The following LSAMP variants were observed in gnomAD, a reference collection of about 807,000 sequenced individuals.
LSAMP encodes limbic system-associated membrane protein.
A neutral mutation model predicts 38.6 loss-of-function variants in LSAMP; 7 were observed. The observed-to-expected ratio is 0.18, with a 90% CI of 0.10 to 0.34. LSAMP has a LOEUF of 0.34. Among genes scored for constraint, LSAMP ranks in the 10% least tolerant of loss-of-function variants. LSAMP has a pLI of 1.00. For synonymous variants in LSAMP, 154 were observed against 166.8 expected (o/e 0.92, Z 0.59); for missense variants, 313 against 420.0 (o/e 0.75, Z 2.23).
chr3:116,217,511 T>G (rs1464507582), intron 1 of LSAMP, among the ~76,000 whole-genome samples: 1 of 152,238 alleles, frequency 6.6e-6, no homozygotes, highest in Non-Finnish European at 1.5e-5. Context: ...GCCTCCTATG[T>G]TCTGCACAGA....
intron 3 of LSAMP, among the ~76,000 whole-genome samples, chr3:115,971,929 C>T (rs930503436): frequency 6.6e-6 from 1 of 152,080 alleles, no homozygotes; most frequent in Non-Finnish European, 1.5e-5. Context: ...ATTCAATTAT[C>T]ACTTGAGAAG....
At chr3:116,334,948 G>T (rs1356369647) in intron 1 of LSAMP, among the ~76,000 whole-genome samples, 1 of 151,944 alleles carries the variant, frequency 6.6e-6, no homozygotes, top group Non-Finnish European at 1.5e-5. Context: ...ATAAAATTAT[G>T]TCTATTTGCA....
chr3:116,333,423 C>T (rs1255269687), intron 1 of LSAMP, among the ~76,000 whole-genome samples: 1 of 151,508 alleles, frequency 6.6e-6, no homozygotes, highest in Non-Finnish European at 1.5e-5. Context: ...TGTGTAATCC[C>T]AGCTACTCAG....
At chr3:116,198,339 A>G (rs773347289) in intron 1 of LSAMP, among the ~76,000 whole-genome samples, 44 of 152,184 alleles carry the variant, frequency 2.9e-4, no homozygotes, top group Non-Finnish European at 1.9e-4. Flanking sequence ...AGAACCTCAA[A>G]ATGCCTCCAC....
intron 1 of LSAMP, among the ~76,000 whole-genome samples, chr3:116,180,523 C>T (rs941566338): frequency 4.6e-5 from 7 of 151,854 alleles, no homozygotes; most frequent in East Asian, 1.9e-4. Flanking sequence ...TGATTTGAAA[C>T]GACTATTGGC....
At chr3:115,999,519 G>T (rs1351077260) in intron 3 of LSAMP, among the ~76,000 whole-genome samples, 1 of 152,164 alleles carries the variant, frequency 6.6e-6, no homozygotes, top group African/African-American at 2.4e-5. Context: ...TGGTTTGAAG[G>T]ATGAGCTTCA....
intron 3 of LSAMP, among the ~76,000 whole-genome samples, chr3:115,854,282 A>ATTATT (rs1366839788): frequency 2.1e-4 from 22 of 107,028 alleles, no homozygotes; most frequent in African/African-American, 7.3e-4. Context: ...TATTATTATT[A>ATTATT]TTTTTTTTTT....
chr3:116,223,766 G>A (rs1420975129), intron 1 of LSAMP, among the ~76,000 whole-genome samples: 1 of 152,166 alleles, frequency 6.6e-6, no homozygotes, highest in African/African-American at 2.4e-5. Flanking sequence ...GAAAGTGACA[G>A]CATTTAACTA....
chr3:116,004,453 C>T (rs1940093269), intron 3 of LSAMP, among the ~76,000 whole-genome samples: 1 of 149,622 alleles, frequency 6.7e-6, no homozygotes, highest in Admixed American at 6.7e-5. Context: ...TACATATATA[C>T]ACAATTATGC....
intron 1 of LSAMP, among the ~76,000 whole-genome samples, chr3:116,439,319 G>GTT (rs386397696): frequency 1.4e-5 from 2 of 147,834 alleles, no homozygotes; most frequent in Non-Finnish European, 3.0e-5. Flanking sequence ...AGATTTTGTT[G>GTT]TTTTTTTTTT....
chr3:116,053,931 C>G (rs1941442053), intron 2 of LSAMP, among the ~76,000 whole-genome samples: 1 of 151,982 alleles, frequency 6.6e-6, no homozygotes, highest in Non-Finnish European at 1.5e-5. Flanking sequence ...TTTTAAATAC[C>G]ATATTACTTT....
intron 3 of LSAMP, among the ~76,000 whole-genome samples, chr3:115,954,198 C>A (rs962550905): frequency 6.6e-6 from 1 of 152,084 alleles, no homozygotes; most frequent in African/African-American, 2.4e-5. Flanking sequence ...TTTGGAATGT[C>A]TGCAACTTTC....
rs796559357 is a variant in LSAMP, at chr3:116,197,168, C to G, written c.156-110612G>C. Among the ~76,000 whole-genome samples, 4 of 151,570 alleles carry G rather than the reference C, an allele frequency of 2.6e-5. No homozygotes were observed. The East Asian group carries it at 7.7e-4, about 29-fold the overall frequency. On this transcript the variant is annotated intron_variant, in intron 1 of 6. Transcript: ENST00000490035. ...ACACACACACACACACACACACTCT[C>G]TCTCTCTCTCACTCACTTTGTCTAG...
intron 1 of LSAMP, among the ~76,000 whole-genome samples, chr3:116,138,609 C>T (rs935635741): frequency 1.5e-4 from 23 of 152,010 alleles, no homozygotes; most frequent in Admixed American, 1.1e-3. Context: ...TTCAGGATGG[C>T]GCTGTGGGTT....
intron 1 of LSAMP, among the ~76,000 whole-genome samples, chr3:116,087,641 A>T (rs944783967): frequency 6.6e-6 from 1 of 152,206 alleles, no homozygotes; most frequent in African/African-American, 2.4e-5. Flanking sequence ...CAGCAGGACT[A>T]TTAAGACACC....
At chr3:115,848,723 A>G (rs1935237471) in intron 4 of LSAMP, among the ~76,000 whole-genome samples, 2 of 152,292 alleles carry the variant, frequency 1.3e-5, no homozygotes, top group South Asian at 4.1e-4. Context: ...GAGACAGACA[A>G]ATAAAGGGAA....
At chr3:115,989,619 C>T (rs1939610851) in intron 3 of LSAMP, among the ~76,000 whole-genome samples, 1 of 152,000 alleles carries the variant, frequency 6.6e-6, no homozygotes, top group African/African-American at 2.4e-5. Flanking sequence ...GTTAGACTTT[C>T]TTGGTCTGGT....
chr3:116,057,160 T>C (rs1247346195), intron 2 of LSAMP, among the ~76,000 whole-genome samples: 1 of 152,158 alleles, frequency 6.6e-6, no homozygotes. Flanking sequence ...AGCCACTGGT[T>C]CCTAAAAACT....
At chr3:115,830,795 A>T (rs994564876) in intron 6 of LSAMP, among the ~76,000 whole-genome samples, 1 of 152,130 alleles carries the variant, frequency 6.6e-6, no homozygotes, top group Non-Finnish European at 1.5e-5. Context: ...CTCCCATTTT[A>T]CCTCTCATCC....
Sources: gnomAD v4.1 joint callset for allele counts (sites outside exome capture counted in the v4.1 genomes callset) on GRCh38, gnomAD v4.1.1 for gene constraint, MANE v1.5 for transcripts, NCBI Gene and HGNC (gene_info 2026-07-23, HGNC 2026-07-21) for gene names.